The following DNAH12 variants were observed in gnomAD, a reference collection of about 807,000 sequenced individuals.
DNAH12 encodes axonemal beta dynein heavy chain 12.
A neutral mutation model predicts 371.5 loss-of-function variants in DNAH12; 285 were observed. The observed-to-expected ratio is 0.77, with a 90% CI of 0.70 to 0.85. DNAH12 has a LOEUF of 0.85. DNAH12 is among the 40% of genes least tolerant of loss of function. DNAH12 has a pLI of 0.00. For missense variants in DNAH12, 3,611 were observed against 3,689.4 expected, an observed-to-expected ratio of 0.98 and a Z score of 0.55; for synonymous variants, 1,200 against 1,213.0, an observed-to-expected ratio of 0.99 and a Z score of 0.22.
At position 57,414,053 on chromosome 3, in the gene DNAH12, G is replaced by C; in HGVS notation, c.5854-141C>G. 1.4e-5 allele frequency: 11 copies of C among 783,204 alleles called. No individual in the cohort carries two copies. The South Asian group carries it at 2.2e-4, about 16-fold the overall frequency. The allele number at this position is 783,204 out of a possible 1,614,324, so 48.5% of individuals were successfully genotyped here. A position where few individuals can be genotyped will look rare whatever the true frequency, so the allele number is the denominator to read the frequency against. ...TTTTTACCAGTAACAATTACTATTT[G>C]CTTAATTTATCAATGATTAACTTAA... On this transcript the variant is annotated intron_variant, in intron 38 of 73. Transcript: ENST00000495027.
chr3:57,507,718 C>T lies in DNAH12; in HGVS notation c.822G>A (p.Lys274=), dbSNP rs2153392913. ...YPKVINLFTK[K]EALEGVKPEK... ...CAGGTTTAACACCTTCTAGTGCCTC[C>T]TTCTTGGTAAAGAGATTTATAACCT... Residue 274 remains lysine (K), a synonymous_variant, in exon 8 of 74, where the codon AAG becomes AAA. Transcript: ENST00000495027. The T allele has an allele frequency of 6.2e-7, 1 of 1,611,264 alleles. No homozygotes were observed. Among genetic ancestry groups the T allele is most frequent in the East Asian group, 2.2e-5 (1 of 44,758 alleles).
At chr3:57,448,903 C>A (rs1254397404) in intron 25 of DNAH12, among the ~76,000 whole-genome samples, 95 of 137,174 alleles carry the variant, frequency 6.9e-4, no homozygotes, top group African/African-American at 2.5e-3. Context: ...TGTTTACAAA[C>A]CTTGAGCTAG....
chr3:57,471,861 T>C (rs573594449), intron 14 of DNAH12, among the ~76,000 whole-genome samples: 2 of 152,346 alleles, frequency 1.3e-5, no homozygotes, highest in Admixed American at 1.3e-4. Context: ...TCTAGGATAA[T>C]AATAAAATTA....
rs1484984542 is a variant in DNAH12, at chr3:57,357,311, C to T, written c.9398G>A (p.Arg3133Gln). The T allele has an allele frequency of 2.6e-5, 4 of 151,932 alleles. No homozygotes were observed. Among genetic ancestry groups the T allele is most frequent in the East Asian group, 1.9e-4 (1 of 5,194 alleles). 9.4% of individuals were successfully genotyped at this position (151,932 alleles called of 1,614,324 possible). Residue 3133 changes from arginine (R) to glutamine (Q), a missense_variant, in exon 59 of 74, where the codon CGA becomes CAA. Arg to Gln is a conservative substitution (Grantham distance 43, BLOSUM62 1). This residue lies in a region of DNAH12 where 2,266 missense variants were observed against 2,236.9 expected (regional missense o/e 1.01). Transcript: ENST00000495027. The part of the protein sequence containing the change: ...EKTELKIAES[R>Q]EGYRPIAKHS... ...TTTGGCGATGGGTCTATAGCCTTCTCGAGACTCTGCTATTTTGAGTTCTGT... is the reference window on the plus strand; with the variant it reads ...TTTGGCGATGGGTCTATAGCCTTCTTGAGACTCTGCTATTTTGAGTTCTGT...
chr3:57,403,464 G>GTAA lies in DNAH12; in HGVS notation c.6792_6793insTTA (p.Leu2265dup). ...AAAGCATTTCCACCAGATTGCTTTAGAACTCGACATATTCTTGATAAATGT... is the reference window on the plus strand; with the variant it reads ...AAAGCATTTCCACCAGATTGCTTTAGTAAAACTCGACATATTCTTGATAAATGT... On this transcript the variant is annotated inframe_insertion, in exon 43 of 74. Coordinates refer to ENST00000495027, the MANE Select transcript of DNAH12 (RefSeq NM_001366028.2). The GTAA allele has an allele frequency of 6.4e-7, 1 of 1,550,504 alleles. No homozygotes were observed.
Position 57,323,624 on chromosome 3 carries a change from T to G in DNAH12, c.9979-5A>C. The stretch of plus-strand genomic sequence containing the variant: ...GTTTGTTATAGCTGGGGTTATCTGT[T>G]GAAGAGAAAAGATATGATCTTTAGA... On this transcript the variant is annotated splice_polypyrimidine_tract_variant and splice_region_variant and intron_variant, in intron 62 of 73. Transcript: ENST00000495027. 3 of 1,528,526 alleles carry G rather than the reference T, an allele frequency of 2.0e-6. No homozygotes were observed. Among genetic ancestry groups the G allele is most frequent in the Non-Finnish European group, 2.6e-6 (3 of 1,139,864 alleles). The allele number at this position is 1,528,526 out of a possible 1,614,324, so 94.7% of individuals were successfully genotyped here. A position where few individuals can be genotyped will look rare whatever the true frequency, so the allele number is the denominator to read the frequency against.
intron 65 of DNAH12, among the ~76,000 whole-genome samples, chr3:57,317,124 T>C (rs999506677): frequency 5.9e-5 from 9 of 152,212 alleles, no homozygotes; most frequent in Admixed American, 5.9e-4. Context: ...CTTCCTTTCT[T>C]TGTCCTCCCT....
intron 2 of DNAH12, among the ~76,000 whole-genome samples, chr3:57,529,466 G>C (rs72872505): frequency 0.017 from 2,587 of 152,170 alleles, 63 homozygotes; most frequent in African/African-American, 0.058. Flanking sequence ...AATCTCTGTA[G>C]GTTGTATTTG....
chr3:57,459,691 A>G lies in DNAH12; in HGVS notation c.2832T>C (p.Ser944=), dbSNP rs1212989195. 10 of 1,549,810 alleles carry G rather than the reference A, an allele frequency of 6.5e-6. No homozygotes were observed. In the East Asian group the frequency reaches 9.8e-5, roughly 15 times the overall value. The change falls in exon 20 of 74, where the codon TCT becomes TCC. Residue 944 remains serine, a synonymous_variant. Coordinates refer to ENST00000495027, the MANE Select transcript of DNAH12 (RefSeq NM_001366028.2). ...CTGGCATCTGTTGCATGATATCCTC[A>G]GAACAAAAGATGGGCTCTAAGTACA... is the stretch of plus-strand genomic sequence containing the variant. The part of the protein sequence containing the change: ...QWLYLEPIFC[S]EDIMQQMPEE...
Position 57,489,700 on chromosome 3 carries a change from T to C in DNAH12, c.1336-13A>G, listed in dbSNP as rs1271962530. 2.7e-6 allele frequency: 4 copies of C among 1,495,020 alleles called. No individual in the cohort carries two copies. Among genetic ancestry groups the C allele is most frequent in the Non-Finnish European group, 2.7e-6 (3 of 1,130,442 alleles). 92.6% of individuals were successfully genotyped at this position (1,495,020 alleles called of 1,614,324 possible). A position where few individuals can be genotyped will look rare whatever the true frequency, so the allele number is the denominator to read the frequency against. ...ATTTTTCTATAAACTTGAAAAAAAG[T>C]GTTCAAATGAAAAAAAAAATGTTTA... On this transcript the variant is annotated splice_polypyrimidine_tract_variant and intron_variant, in intron 11 of 73. Transcript: ENST00000495027.
chr3:57,377,294 T>A (rs1182551085), intron 52 of DNAH12, 72 bp from the exon 53 acceptor site: 1 of 152,146 alleles, frequency 6.6e-6, no homozygotes, highest in African/African-American at 2.4e-5. Flanking sequence ...TCCTCCCTTA[T>A]AAATATTATG....
In DNAH12 at chr3:57,510,895, G is replaced by A. The variant is rs1355988075; in HGVS notation, c.364C>T (p.Leu122=). Residue 122 remains leucine, a synonymous_variant, in exon 5 of 74, where the codon CTG becomes TTG. Coordinates refer to ENST00000495027, the MANE Select transcript of DNAH12 (RefSeq NM_001366028.2). ...QQEWLDHMLR[L]IPESLKEGKE... ...CCTTCCTTTAAAGACTCAGGTATCAGCCTTAACATGTGATCCAGCCATTCC... is the reference window on the plus strand; with the variant it reads ...CCTTCCTTTAAAGACTCAGGTATCAACCTTAACATGTGATCCAGCCATTCC... 1.2e-6 allele frequency: 2 copies of A among 1,613,976 alleles called. No homozygotes were observed. The highest frequency in any genetic ancestry group is 3.3e-5 in the Admixed American group (2 of 59,970).
intron 55 of DNAH12, among the ~76,000 whole-genome samples, chr3:57,375,041 G>A (rs1204168478): frequency 6.6e-6 from 1 of 152,066 alleles, no homozygotes; most frequent in Admixed American, 6.6e-5. Context: ...GTATGGTTTT[G>A]TGTATTTCAT....
rs368490898 is a variant in DNAH12 at position 57,513,285 on chromosome 3, C to A, written c.280-2306G>T. On this transcript the variant is annotated intron_variant, in intron 4 of 73. Coordinates refer to ENST00000495027, the MANE Select transcript of DNAH12 (RefSeq NM_001366028.2). Reference sequence around the variant, plus strand: ...CATAGAAATGGAAAACCAAACACCGCATGTTCTCACTCATAAGTGGGAGGT... The same window carrying A: ...CATAGAAATGGAAAACCAAACACCGAATGTTCTCACTCATAAGTGGGAGGT... 5.3e-5 allele frequency among the ~76,000 whole-genome samples: 8 copies of A among 152,240 alleles called. No homozygotes were observed. The East Asian group carries it at 1.5e-3, about 29-fold the overall frequency.
intron 58 of DNAH12, among the ~76,000 whole-genome samples, chr3:57,360,546 G>C (rs1452939712): frequency 6.6e-6 from 1 of 151,964 alleles, no homozygotes. Flanking sequence ...AAATTAGCCG[G>C]GTGTGGTGGC....
At position 57,483,427 on chromosome 3, in the gene DNAH12, A is replaced by G. The variant is rs1386760503; in HGVS notation, c.1599T>C (p.Tyr533=). The change falls in exon 13 of 74, where the codon TAT becomes TAC. Residue 533 remains tyrosine, a synonymous_variant. Coordinates refer to ENST00000495027, the MANE Select transcript of DNAH12 (RefSeq NM_001366028.2). ...TTEEMMDLIS[Y]VEKARTVGIE... Reference sequence around the variant, plus strand: ...TTCCTACAGTCCGGGCTTTTTCTACATAAGATATCAGATCCATCATCTCTT... The same window carrying G: ...TTCCTACAGTCCGGGCTTTTTCTACGTAAGATATCAGATCCATCATCTCTT... 4 of 1,551,402 alleles carry G rather than the reference A, an allele frequency of 2.6e-6. No individual in the cohort carries two copies. The highest frequency in any genetic ancestry group is 1.2e-5 in the South Asian group (1 of 83,930).
upstream of DNAH12, chr3:57,548,891 A>T (rs568824683): frequency 6.6e-6 from 1 of 152,214 alleles, no homozygotes; most frequent in Non-Finnish European, 1.5e-5. Context: ...AGAAAAGATT[A>T]CCATGGTGCC....
upstream of DNAH12, among the ~76,000 whole-genome samples, chr3:57,549,267 G>C (rs1443731212): frequency 6.6e-6 from 1 of 151,582 alleles, no homozygotes; most frequent in East Asian, 2.0e-4. Context: ...TGTAATCCCA[G>C]CACTTTAGGA....
intron 11 of DNAH12, among the ~76,000 whole-genome samples, chr3:57,499,837 C>CA (rs2067470733): frequency 6.9e-6 from 1 of 145,658 alleles, no homozygotes; most frequent in African/African-American, 2.5e-5. Flanking sequence ...GACCCTGTCT[C>CA]AAAAAACAAA....
Sources: allele counts gnomAD v4.1 joint callset (sites outside exome capture counted in the v4.1 genomes callset), GRCh38; gene constraint gnomAD v4.1.1; regional missense constraint gnomAD v4.1.1; transcripts MANE v1.5; gene names NCBI Gene and HGNC (gene_info 2026-07-23, HGNC 2026-07-21).